CSMD3: variants seen among roughly 807,000 people sequenced by gnomAD.
The protein encoded by CSMD3 is CUB and Sushi multiple domains 3, also known as CUB and sushi domain-containing protein 3.
In CSMD3, 177 loss-of-function variants were observed where a neutral mutation model predicts 435.2. The observed-to-expected ratio is 0.41, with a 90% CI of 0.36 to 0.46. CSMD3 has a LOEUF of 0.46. Ranked by LOEUF, CSMD3 falls within the 20% of genes least tolerant of loss-of-function variation. The pLI, the probability that CSMD3 is intolerant of heterozygous loss-of-function variation, is 0.34. For synonymous variants in CSMD3, 1,656 were observed against 1,520.5 expected (o/e 1.09, Z -2.07); for missense variants, 4,265 against 4,504.6 (o/e 0.95, Z 1.52).
At chr8:113,224,190 A>G (rs2093000895) in intron 3 of CSMD3, among the ~76,000 whole-genome samples, 1 of 151,196 alleles carries the variant, frequency 6.6e-6, no homozygotes, top group Admixed American at 6.6e-5. Flanking sequence ...ATATTGTTTT[A>G]GGTTCTGCTT....
At chr8:112,356,973 G>A in intron 38 of CSMD3, among the ~76,000 whole-genome samples, 1 of 152,146 alleles carries the variant, frequency 6.6e-6, no homozygotes, top group South Asian at 2.1e-4. Flanking sequence ...GTAGAGTGGG[G>A]TGTTACTGAA....
rs182233124 is a variant in CSMD3, at chr8:113,033,072, T to G, written c.918-13893A>C. Among the ~76,000 whole-genome samples, 101 of 151,538 alleles carry G rather than the reference T, an allele frequency of 6.7e-4. 2 individuals carry two copies. Among genetic ancestry groups the G allele is most frequent in the African/African-American group, 2.4e-3 (98 of 41,456 alleles). ...CTCCACCTAGATTTCAGAGGATGTA[T>G]AGAAACACCTGGATGTCCAGGCAGA... On this transcript the variant is annotated intron_variant, in intron 5 of 70. Transcript: ENST00000297405.
Position 112,506,695 on chromosome 8 carries a change from T to C in CSMD3, c.4891A>G (p.Ile1631Val). 1.2e-6 allele frequency: 2 copies of C among 1,613,608 alleles called. No individual in the cohort carries two copies. Among genetic ancestry groups the C allele is most frequent in the Non-Finnish European group, 1.7e-6 (2 of 1,179,576 alleles). ...AATAAATATATAAGAACTCACCTGA[T>C]GAACGCCAAGGAGATAACATAGTCT... ...NADYVISLAF[I>V]SFSIEPNYDF... The change falls in exon 29 of 71, where the codon ATC becomes GTC. Residue 1631 changes from isoleucine (I) to valine (V), a missense_variant. Around this residue, in one of 3 missense-constraint regions of CSMD3, gnomAD observed 3,255 missense variants for 3,380.2 expected, o/e 0.96. Transcript: ENST00000297405.
intron 10 of CSMD3, among the ~76,000 whole-genome samples, chr8:112,870,567 C>T (rs1015607149): frequency 4.7e-4 from 71 of 152,056 alleles, no homozygotes; most frequent in African/African-American, 1.5e-3. Context: ...TGAGCCACTG[C>T]GCCCGGCCCA....
intron 18 of CSMD3, among the ~76,000 whole-genome samples, chr8:112,655,333 G>C (rs1330920394): frequency 6.6e-6 from 1 of 152,020 alleles, no homozygotes; most frequent in Non-Finnish European, 1.5e-5. Context: ...CCTCTTAAGT[G>C]TGTTGTTAGA....
intron 22 of CSMD3, among the ~76,000 whole-genome samples, chr8:112,632,440 G>A (rs993592623): frequency 6.6e-6 from 1 of 151,984 alleles, no homozygotes; most frequent in African/African-American, 2.4e-5. Context: ...GTATTAAATG[G>A]GGGATTATGA....
chr8:112,731,801 T>C (rs1474163922), intron 13 of CSMD3, among the ~76,000 whole-genome samples: 2 of 152,100 alleles, frequency 1.3e-5, no homozygotes, highest in African/African-American at 4.8e-5. Context: ...AATTCAATTA[T>C]CAGGATTAAA....
At chr8:112,790,405 T>G (rs1301329384) in intron 13 of CSMD3, among the ~76,000 whole-genome samples, 1 of 151,700 alleles carries the variant, frequency 6.6e-6, no homozygotes, top group African/African-American at 2.4e-5. Flanking sequence ...AAGAAAGATG[T>G]TTCCAGTTTC....
At chr8:113,373,980 A>C (rs1563757743) in intron 1 of CSMD3, among the ~76,000 whole-genome samples, 1 of 152,100 alleles carries the variant, frequency 6.6e-6, no homozygotes, top group Non-Finnish European at 1.5e-5. Context: ...TTAACTGAAT[A>C]TCTCTCTAAA....
chr8:113,381,010 C>T (rs1202223180), intron 1 of CSMD3, among the ~76,000 whole-genome samples: 1 of 152,174 alleles, frequency 6.6e-6, no homozygotes, highest in Non-Finnish European at 1.5e-5. Context: ...GCTCTTTCAG[C>T]TAGGAATAGA....
At chr8:112,917,793 A>C (rs2082617882) in intron 10 of CSMD3, among the ~76,000 whole-genome samples, 1 of 151,960 alleles carries the variant, frequency 6.6e-6, no homozygotes, top group South Asian at 2.1e-4. Context: ...GGAGATACAT[A>C]AGATAACCTC....
intron 1 of CSMD3, among the ~76,000 whole-genome samples, chr8:113,342,573 T>C (rs1395153114): frequency 6.6e-6 from 1 of 152,126 alleles, no homozygotes; most frequent in African/African-American, 2.4e-5. Flanking sequence ...CAAGTAAAAT[T>C]TGTACCCTAG....
Position 112,893,807 on chromosome 8 carries a change from T to C in CSMD3, c.1633+27820A>G, listed in dbSNP as rs114755308. Reference sequence around the variant, plus strand: ...ACCTGATGGTAATTATTGCTTTCTGTTCCTGTGTACTGTACAAGTACAAGT... The same window carrying C: ...ACCTGATGGTAATTATTGCTTTCTGCTCCTGTGTACTGTACAAGTACAAGT... On this transcript the variant is annotated intron_variant, in intron 10 of 70. Transcript: ENST00000297405. Among the ~76,000 whole-genome samples, 598 of 151,632 alleles carry C rather than the reference T, an allele frequency of 3.9e-3. 6 individuals are homozygous for C. The highest frequency in any genetic ancestry group is 0.014 in the African/African-American group (571 of 41,472).
chr8:112,551,477 A>C (rs73328700), intron 26 of CSMD3, among the ~76,000 whole-genome samples: 87 of 152,234 alleles, frequency 5.7e-4, no homozygotes, highest in African/African-American at 2.0e-3. Flanking sequence ...AAATCTAATT[A>C]TATTGACATG....
At chr8:112,893,898 AAG>A (rs746052497) in intron 10 of CSMD3, among the ~76,000 whole-genome samples, 6 of 151,434 alleles carry the variant, frequency 4.0e-5, no homozygotes, top group Non-Finnish European at 5.9e-5. Flanking sequence ...ATGAAAGGTC[AAG>A]GCCTGAAAAC....
At chr8:113,070,327 T>A (rs1399572844) in intron 5 of CSMD3, among the ~76,000 whole-genome samples, 1 of 152,016 alleles carries the variant, frequency 6.6e-6, no homozygotes, top group Non-Finnish European at 1.5e-5. Flanking sequence ...CTATTCCACC[T>A]CTAAAAAATC....
chr8:113,363,226 A>C (rs1196687912), intron 1 of CSMD3, among the ~76,000 whole-genome samples: 1 of 152,200 alleles, frequency 6.6e-6, no homozygotes, highest in Non-Finnish European at 1.5e-5. Context: ...TACACAAAAT[A>C]ATTTCTTAGA....
rs2075255442 is a variant in CSMD3 at position 112,656,269 on chromosome 8, T to A, written c.2889A>T (p.Gly963=). The A allele has an allele frequency of 1.2e-6, 2 of 1,613,170 alleles. No homozygotes were observed. Among genetic ancestry groups the A allele is most frequent in the African/African-American group, 1.3e-5 (1 of 74,886 alleles). ...DGPNLLSPLL[G]SYNGTQVPQF... Reference sequence around the variant, plus strand: ...GGGGCACTTGGGTGCCATTGTAAGATCCAAGCAAGGGTGACAGAAGATTTG... The same window carrying A: ...GGGGCACTTGGGTGCCATTGTAAGAACCAAGCAAGGGTGACAGAAGATTTG... Residue 963 remains glycine, a synonymous_variant, in exon 18 of 71, where the codon GGA becomes GGT. Coordinates refer to ENST00000297405, the MANE Select transcript of CSMD3 (RefSeq NM_198123.2).
chr8:112,669,103 T>TGG (rs2075596063), intron 16 of CSMD3, among the ~76,000 whole-genome samples: 1 of 151,818 alleles, frequency 6.6e-6, no homozygotes, highest in South Asian at 2.1e-4. Context: ...CACAATCTCA[T>TGG]CTCACTGCAA....
Sources: gnomAD v4.1 joint callset for allele counts (sites outside exome capture counted in the v4.1 genomes callset) on GRCh38, gnomAD v4.1.1 for gene constraint, gnomAD v4.1.1 regional missense constraint, MANE v1.5 for transcripts, NCBI Gene and HGNC (gene_info 2026-07-23, HGNC 2026-07-21) for gene names.